The following NLGN1 variants were observed in gnomAD, a reference collection of about 807,000 sequenced individuals.
NLGN1 encodes neuroligin-1.
NLGN1 carries 12 observed loss-of-function variants against 65.5 expected under a neutral mutation model. The observed-to-expected ratio is 0.18, with a 90% CI of 0.12 to 0.30. NLGN1 has a LOEUF of 0.30. Among genes scored for constraint, NLGN1 ranks in the 10% least tolerant of loss-of-function variants. The probability of loss-of-function intolerance (pLI) is 1.00; values close to 1 mark genes in which losing one functional copy is unlikely to be tolerated. For synonymous variants in NLGN1, 350 were observed against 359.5 expected, an observed-to-expected ratio of 0.97 and a Z score of 0.30; for missense variants, 750 against 1,007.1, an observed-to-expected ratio of 0.74 and a Z score of 3.46.
chr3:173,910,958 A>G (rs1739466546), intron 4 of NLGN1: 2 of 152,224 alleles, frequency 1.3e-5, no homozygotes, highest in Non-Finnish European at 2.9e-5. Context: ...GCTGCTAATT[A>G]TTAATTATTC....
chr3:174,194,948 G>A (rs1046569122), intron 4 of NLGN1, among the ~76,000 whole-genome samples: 2 of 145,094 alleles, frequency 1.4e-5, no homozygotes, highest in Admixed American at 7.3e-5. Context: ...CACAACCTCC[G>A]CCTCCCGGGT....
At chr3:173,478,567 A>C (rs1224943650) in intron 2 of NLGN1, among the ~76,000 whole-genome samples, 2 of 152,226 alleles carry the variant, frequency 1.3e-5, no homozygotes, top group Non-Finnish European at 2.9e-5. Flanking sequence ...AAAATTAAAA[A>C]AATTTTTTAC....
At chr3:173,535,843 A>C (rs551226818) in intron 2 of NLGN1, among the ~76,000 whole-genome samples, 1 of 152,334 alleles carries the variant, frequency 6.6e-6, no homozygotes, top group African/African-American at 2.4e-5. Context: ...AATAAGGCAC[A>C]TGATTTAAAT....
chr3:174,252,618 T>C (rs973738562), intron 4 of NLGN1, among the ~76,000 whole-genome samples: 3 of 152,068 alleles, frequency 2.0e-5, no homozygotes, highest in African/African-American at 7.2e-5. Flanking sequence ...ATTTGAAAAA[T>C]TATATGGTCA....
chr3:174,089,431 A>G (rs1364002930), intron 4 of NLGN1, among the ~76,000 whole-genome samples: 1 of 152,180 alleles, frequency 6.6e-6, no homozygotes, highest in African/African-American at 2.4e-5. Flanking sequence ...AGGTTTGAGG[A>G]CATAAAACCT....
intron 1 of NLGN1, among the ~76,000 whole-genome samples, chr3:173,434,216 C>G (rs1440397055): frequency 6.6e-6 from 1 of 152,116 alleles, no homozygotes; most frequent in Non-Finnish European, 1.5e-5. Context: ...AATATTTTCT[C>G]AAGTTTCCTT....
At chr3:173,843,015 TCTAGGTGGAAGTTCCC>T (rs1725072473) in intron 4 of NLGN1, among the ~76,000 whole-genome samples, 1 of 152,198 alleles carries the variant, frequency 6.6e-6, no homozygotes, top group Admixed American at 6.5e-5. Context: ...TCTTCTGAAA[TCTAGGTGGAAGTTCCC>T]AAACCCCAAA....
intron 4 of NLGN1, chr3:173,915,050 G>T (rs1470827619): frequency 6.6e-6 from 1 of 152,154 alleles, no homozygotes; most frequent in Non-Finnish European, 1.5e-5. Flanking sequence ...TACACCTTCA[G>T]TTAGACTTGG....
intron 3 of NLGN1, among the ~76,000 whole-genome samples, chr3:173,654,160 C>T (rs1759625474): frequency 1.3e-5 from 2 of 152,076 alleles, no homozygotes; most frequent in African/African-American, 4.8e-5. Flanking sequence ...GAAAAATTAT[C>T]TTAGGGAGAA....
At chr3:173,825,611 G>A (rs928108998) in intron 4 of NLGN1, among the ~76,000 whole-genome samples, 2 of 152,160 alleles carry the variant, frequency 1.3e-5, no homozygotes, top group East Asian at 3.9e-4. Flanking sequence ...ATTAGTGGAA[G>A]CTTACCTCTA....
intron 4 of NLGN1, among the ~76,000 whole-genome samples, chr3:174,184,997 C>T (rs1470274826): frequency 2.0e-5 from 3 of 152,008 alleles, no homozygotes; most frequent in Admixed American, 6.6e-5. Context: ...TAATGCACAG[C>T]CGGGCCCTTG....
intron 4 of NLGN1, among the ~76,000 whole-genome samples, chr3:174,129,354 AACAC>A (rs61122760): frequency 0.048 from 5,631 of 116,702 alleles, 101 homozygotes; most frequent in East Asian, 0.071. Context: ...CCCGGTTTAC[AACAC>A]ACACACACAC....
intron 2 of NLGN1, among the ~76,000 whole-genome samples, chr3:173,598,221 A>G (rs1331941829): frequency 6.6e-6 from 1 of 152,186 alleles, no homozygotes; most frequent in African/African-American, 2.4e-5. Context: ...TGAACAATTA[A>G]TAAAAACAAA....
intron 3 of NLGN1, among the ~76,000 whole-genome samples, chr3:173,642,372 C>T (rs946933624): frequency 5.3e-5 from 8 of 152,120 alleles, no homozygotes; most frequent in Admixed American, 3.9e-4. Flanking sequence ...GCAGTCCAGC[C>T]GACCAAAGTG....
At chr3:173,668,855 C>T (rs548932904) in intron 3 of NLGN1, among the ~76,000 whole-genome samples, 2 of 152,050 alleles carry the variant, frequency 1.3e-5, no homozygotes, top group Admixed American at 6.6e-5. Context: ...AACTCCTGAC[C>T]TCAAGTGATC....
intron 3 of NLGN1, among the ~76,000 whole-genome samples, chr3:173,718,167 C>T (rs1184676973): frequency 6.6e-6 from 1 of 152,088 alleles, no homozygotes; most frequent in African/African-American, 2.4e-5. Flanking sequence ...TGCCTCTTCT[C>T]TTCTAGCTAT....
intron 3 of NLGN1, among the ~76,000 whole-genome samples, chr3:173,675,758 G>A (rs1328063180): frequency 6.6e-6 from 1 of 151,922 alleles, no homozygotes; most frequent in African/African-American, 2.4e-5. Context: ...TGATGGAACT[G>A]TTTTGTATCT....
chr3:173,946,075 A>G lies in NLGN1; in HGVS notation c.646+138243A>G, dbSNP rs561472434. 7.2e-5 allele frequency among the ~76,000 whole-genome samples: 11 copies of G among 152,292 alleles called. No homozygotes were observed. In the South Asian group the frequency reaches 2.1e-3, roughly 29 times the overall value. ...GATGTCATCAGCTTTTTCCTCACAG[A>G]CTCACTTTAACACAACAGGAAAAGG... On this transcript the variant is annotated intron_variant, in intron 4 of 6. Transcript: ENST00000457714.
At chr3:173,850,478 G>C (rs916755275) in intron 4 of NLGN1, among the ~76,000 whole-genome samples, 7 of 152,060 alleles carry the variant, frequency 4.6e-5, no homozygotes, top group African/African-American at 1.7e-4. Flanking sequence ...TTTACATTTA[G>C]CTTCTTCTAG....
Sources: allele counts gnomAD v4.1 joint callset (sites outside exome capture counted in the v4.1 genomes callset), GRCh38; gene constraint gnomAD v4.1.1; transcripts MANE v1.5; gene names NCBI Gene and HGNC (gene_info 2026-07-23, HGNC 2026-07-21).